The following DRC8 variants were observed in gnomAD, a reference collection of about 807,000 sequenced individuals.
DRC8 encodes the protein dynein regulatory complex protein 8.
the DRC8 span, among the ~76,000 whole-genome samples, chr1:245,107,022 T>C: frequency 3.3e-5 from 5 of 152,138 alleles, no homozygotes; most frequent in African/African-American, 4.8e-5. Context: ...CCAGCCTGGG[T>C]GACAAGAGTG....
chr1:244,970,302 C>G, the DRC8 span: 4 of 1,008,288 alleles, frequency 4.0e-6, no homozygotes, highest in Admixed American at 2.1e-5. Context: ...CTTCCTCCCC[C>G]GGGATTCAGA....
the DRC8 span, among the ~76,000 whole-genome samples, chr1:245,119,344 GTTT>G: frequency 1.4e-5 from 2 of 147,780 alleles, no homozygotes; most frequent in Non-Finnish European, 3.0e-5. Flanking sequence ...AAATTGGAGA[GTTT>G]TTTTTTTTTT....
the DRC8 span, among the ~76,000 whole-genome samples, chr1:245,051,058 T>C: frequency 6.6e-6 from 1 of 151,934 alleles, no homozygotes; most frequent in South Asian, 2.1e-4. Context: ...TTGGTAGAGA[T>C]GGGGACTTGC....
the DRC8 span, among the ~76,000 whole-genome samples, chr1:245,004,385 ACT>A: frequency 1.3e-5 from 2 of 150,226 alleles, no homozygotes; most frequent in African/African-American, 2.5e-5. Flanking sequence ...AAATAGCCTG[ACT>A]CTCAAAGTAC....
the DRC8 span, among the ~76,000 whole-genome samples, chr1:245,049,150 A>G: frequency 6.6e-6 from 1 of 151,956 alleles, no homozygotes; most frequent in Non-Finnish European, 1.5e-5. The surrounding 1 kb of genome is among the most constrained non-coding windows in gnomAD (Gnocchi z 4.5). Context: ...ACAGCTGGCT[A>G]ATTTTTGTAT....
At chr1:244,987,205 CTT>C in the DRC8 span, among the ~76,000 whole-genome samples, 4 of 144,390 alleles carry the variant, frequency 2.8e-5, no homozygotes, top group Admixed American at 6.9e-5. Flanking sequence ...GTATTTCTTT[CTT>C]TTTTTTTTTT....
chr1:245,087,900 T>G, the DRC8 span: 2 of 563,152 alleles, frequency 3.6e-6, no homozygotes, highest in South Asian at 1.6e-4. Flanking sequence ...GTGTAAACAT[T>G]TATATTTGCT....
chr1:244,982,203 C>G, the DRC8 span, among the ~76,000 whole-genome samples: 1 of 152,168 alleles, frequency 6.6e-6, no homozygotes, highest in Non-Finnish European at 1.5e-5. Flanking sequence ...AAGCCTCACA[C>G]TAGTAGCTGA....
chr1:245,079,712 G>C, the DRC8 span, among the ~76,000 whole-genome samples: 2 of 152,014 alleles, frequency 1.3e-5, no homozygotes, highest in African/African-American at 4.8e-5. Flanking sequence ...TTTGTTGGTG[G>C]TGGGAGGAAA....
At chr1:244,973,318 A>G in the DRC8 span, among the ~76,000 whole-genome samples, 1 of 152,340 alleles carries the variant, frequency 6.6e-6, no homozygotes, top group East Asian at 1.9e-4. Context: ...GAATCACACA[A>G]AAGAAAGGAT....
the DRC8 span, chr1:245,083,534 T>C: frequency 1.9e-6 from 3 of 1,584,612 alleles, no homozygotes; most frequent in African/African-American, 4.1e-5. Flanking sequence ...AATACATTTA[T>C]TTACATACAC....
At chr1:244,970,223 G>A in the DRC8 span, 7 of 765,706 alleles carry the variant, frequency 9.1e-6, no homozygotes, top group Admixed American at 4.1e-5. Context: ...CCAGCGCGAG[G>A]GTCGTGGCGC....
At chr1:244,996,828 T>A in the DRC8 span, among the ~76,000 whole-genome samples, 838 of 152,314 alleles carry the variant, frequency 5.5e-3, 5 homozygotes, top group African/African-American at 0.019. Context: ...TCTGCTCAAC[T>A]GTTTTTTCTT....
At chr1:245,015,498 T>A in the DRC8 span, among the ~76,000 whole-genome samples, 1 of 151,908 alleles carries the variant, frequency 6.6e-6, no homozygotes. Flanking sequence ...ATAATGAGGT[T>A]AGGAGATCGA....
At chr1:244,975,983 A>G in the DRC8 span, among the ~76,000 whole-genome samples, 1 of 152,096 alleles carries the variant, frequency 6.6e-6, no homozygotes, top group Non-Finnish European at 1.5e-5. Flanking sequence ...AAAACATAAG[A>G]GTTGGCCAGG....
At chr1:245,026,063 T>C in the DRC8 span, among the ~76,000 whole-genome samples, 1 of 152,246 alleles carries the variant, frequency 6.6e-6, no homozygotes, top group Non-Finnish European at 1.5e-5. Flanking sequence ...CTGCCCTATC[T>C]ATAGGAGATT....
chr1:245,063,667 C>T, the DRC8 span, among the ~76,000 whole-genome samples: 21 of 152,272 alleles, frequency 1.4e-4, no homozygotes, highest in Admixed American at 2.0e-4. Flanking sequence ...TGCTTGAGCT[C>T]AGGAATGAGG....
chr1:245,053,819 G>C, the DRC8 span, among the ~76,000 whole-genome samples: 2 of 152,106 alleles, frequency 1.3e-5, no homozygotes, highest in African/African-American at 4.8e-5. Context: ...TTCCTCAAGG[G>C]GATGTGAAAG....
At chr1:245,098,712 G>A in the DRC8 span, among the ~76,000 whole-genome samples, 157 of 152,316 alleles carry the variant, frequency 1.0e-3, no homozygotes, top group African/African-American at 3.5e-3. Flanking sequence ...CGAGTGAACT[G>A]TCCTGATGCT....
Sources: gnomAD v4.1 joint callset for allele counts (sites outside exome capture counted in the v4.1 genomes callset) on GRCh38, gnomAD v4.1.1 for gene constraint, Gnocchi (gnomAD v3.1) non-coding constraint, MANE v1.5 for transcripts, NCBI Gene and HGNC (gene_info 2026-07-23, HGNC 2026-07-21) for gene names.